Variants in ZNF609 observed in about 807,000 individuals in gnomAD.
ZNF609 encodes the protein zinc finger protein 609.
Under a neutral mutation model 109.5 loss-of-function variants are expected in ZNF609, and 11 were observed. The observed-to-expected ratio is 0.10, with a 90% CI of 0.06 to 0.17. ZNF609 has a LOEUF of 0.17. ZNF609 is among the 10% of genes least tolerant of loss of function. ZNF609 has a pLI of 1.00. For missense variants in ZNF609, 1,559 were observed against 1,772.4 expected, an observed-to-expected ratio of 0.88 and a Z score of 2.16; for synonymous variants, 646 against 662.0, an observed-to-expected ratio of 0.98 and a Z score of 0.37.
chr15:64,527,906 A>C (rs145408190), intron 2 of ZNF609, among the ~76,000 whole-genome samples: 238 of 151,814 alleles, frequency 1.6e-3, no homozygotes, highest in African/African-American at 5.6e-3. Flanking sequence ...CTCTACTCTT[A>C]CCCCCTTTCT....
chr15:64,547,567 G>C (rs541142033), intron 2 of ZNF609, among the ~76,000 whole-genome samples: 1 of 152,028 alleles, frequency 6.6e-6, no homozygotes, highest in Non-Finnish European at 1.5e-5. Context: ...ATCTGGCTCT[G>C]GCTCATAAGA....
intron 2 of ZNF609, among the ~76,000 whole-genome samples, chr15:64,553,403 G>A (rs945017955): frequency 3.3e-5 from 5 of 151,600 alleles, no homozygotes; most frequent in African/African-American, 1.2e-4. Flanking sequence ...TTCATTTTAG[G>A]TCTTTAAGTT....
At chr15:64,540,160 G>A (rs1348757109) in intron 2 of ZNF609, among the ~76,000 whole-genome samples, 1 of 152,074 alleles carries the variant, frequency 6.6e-6, no homozygotes, top group African/African-American at 2.4e-5. Flanking sequence ...CCATCTTCCC[G>A]CATCTTCATC....
intron 2 of ZNF609, among the ~76,000 whole-genome samples, chr15:64,530,742 A>C (rs1400594698): frequency 6.6e-6 from 1 of 152,236 alleles, no homozygotes; most frequent in Non-Finnish European, 1.5e-5. Context: ...AGAGGTCTTC[A>C]GTATAATATT....
At position 64,680,724 on chromosome 15, in the gene ZNF609, G is replaced by T; in HGVS notation, c.4024G>T (p.Gly1342Trp). 6.2e-7 allele frequency: 1 copy of T among 1,613,328 alleles called. No individual in the cohort carries two copies. Residue 1342 changes from glycine to tryptophan, a missense_variant, in exon 8 of 10, where the codon GGG becomes TGG. Coordinates refer to ENST00000326648, the MANE Select transcript of ZNF609 (RefSeq NM_015042.2). ...VGGGGSCSSV[G>W]GASGGERSVD... ...GGGTGGTGGCAGCTGTAGCAGCGTC[G>T]GGGGAGCAAGTGGGGGTGAACGGAG...
chr15:64,496,323 A>G (rs1180036815), intron 1 of ZNF609, among the ~76,000 whole-genome samples: 1 of 152,198 alleles, frequency 6.6e-6, no homozygotes, highest in Non-Finnish European at 1.5e-5. Context: ...TTTGAAACTA[A>G]GGAAAGTTTT....
At chr15:64,658,016 C>G (rs16948162) in intron 3 of ZNF609, among the ~76,000 whole-genome samples, 14,335 of 152,170 alleles carry the variant, frequency 0.094, 1,991 homozygotes, top group East Asian at 0.77. Flanking sequence ...AAAGGCAAAA[C>G]TGACTGCACT....
At chr15:64,483,240 C>T (rs1262576921) in intron 1 of ZNF609, among the ~76,000 whole-genome samples, 1 of 152,120 alleles carries the variant, frequency 6.6e-6, no homozygotes, top group Non-Finnish European at 1.5e-5. Flanking sequence ...GAATTACAGG[C>T]ATGTGCCACC....
At chr15:64,477,559 G>A (rs1314749885) in intron 1 of ZNF609, among the ~76,000 whole-genome samples, 1 of 151,614 alleles carries the variant, frequency 6.6e-6, no homozygotes, top group African/African-American at 2.4e-5. Flanking sequence ...AGCTATTTAG[G>A]TAATTGGCTA....
In ZNF609 at chr15:64,660,779, C is replaced by G. The variant is rs183258387; in HGVS notation, c.974-9567C>G. Among the ~76,000 whole-genome samples, 665 of 152,290 alleles carry G rather than the reference C, an allele frequency of 4.4e-3. 1 individual carries two copies. Among genetic ancestry groups the G allele is most frequent in the Admixed American group, 7.9e-3 (121 of 15,292 alleles). On this transcript the variant is annotated intron_variant, in intron 3 of 9. Coordinates refer to ENST00000326648, the MANE Select transcript of ZNF609 (RefSeq NM_015042.2). Reference sequence around the variant, plus strand: ...TTGCTTTTTCCGCTGCCTAAAATGTCTTCTAATTTCCACAGAGCTCGCTGT... The same window carrying G: ...TTGCTTTTTCCGCTGCCTAAAATGTGTTCTAATTTCCACAGAGCTCGCTGT...
intron 2 of ZNF609, among the ~76,000 whole-genome samples, chr15:64,582,747 G>GTT (rs1895129761): frequency 8.6e-4 from 22 of 25,698 alleles, no homozygotes; most frequent in Non-Finnish European, 1.9e-3. Context: ...TTGAGACAGA[G>GTT]TCTTTTTTTT....
At position 64,499,799 on chromosome 15, in the gene ZNF609, A is replaced by G; in HGVS notation, c.380A>G (p.Asp127Gly). ...AAAGAGGTGCAGGGGCGCTCAGGAGATGGTGCCAATGCTGGAGGCCTGGTT... is the reference window on the plus strand; with the variant it reads ...AAAGAGGTGCAGGGGCGCTCAGGAGGTGGTGCCAATGCTGGAGGCCTGGTT... Reference protein sequence around the residue: ...SKKEVQGRSGDGANAGGLVAA... With the variant: ...SKKEVQGRSGGGANAGGLVAA... The change falls in exon 2 of 10, where the codon GAT becomes GGT. Residue 127 changes from aspartate to glycine, a missense_variant. Physicochemically the swap from Asp to Gly is moderately conservative, Grantham distance 94. Coordinates refer to ENST00000326648, the MANE Select transcript of ZNF609 (RefSeq NM_015042.2). The G allele has an allele frequency of 6.2e-7, 1 of 1,614,048 alleles. No homozygotes were observed. Among genetic ancestry groups the G allele is most frequent in the Non-Finnish European group, 8.5e-7 (1 of 1,179,988 alleles).
At chr15:64,535,484 A>G (rs904682598) in intron 2 of ZNF609, among the ~76,000 whole-genome samples, 1 of 152,210 alleles carries the variant, frequency 6.6e-6, no homozygotes, top group Non-Finnish European at 1.5e-5. Context: ...GTAGTATTCC[A>G]TGGTATAGAT....
Position 64,680,867 on chromosome 15 carries a change from GC to G in ZNF609, c.4162+7del. On this transcript the variant is annotated splice_donor_region_variant and intron_variant, in intron 8 of 9. Coordinates refer to ENST00000326648, the MANE Select transcript of ZNF609 (RefSeq NM_015042.2). ...ACAACTTACCCTATGCAGCAGGTAA[GC>G]CTGTTTTCCCTACCACCTGTTGTTT... 6.2e-7 allele frequency: 1 copy of G among 1,607,222 alleles called. No homozygotes were observed. Among genetic ancestry groups the G allele is most frequent in the Non-Finnish European group, 8.5e-7 (1 of 1,179,880 alleles).
intron 2 of ZNF609, among the ~76,000 whole-genome samples, chr15:64,568,062 A>G (rs1340175565): frequency 6.6e-6 from 1 of 152,120 alleles, no homozygotes; most frequent in Non-Finnish European, 1.5e-5. Context: ...TAATTGTCAA[A>G]GTTTTGTCAT....
intron 2 of ZNF609, among the ~76,000 whole-genome samples, chr15:64,576,913 TATACA>T (rs1894965062): frequency 7.6e-6 from 1 of 132,256 alleles, no homozygotes. Flanking sequence ...TATATGTATA[TATACA>T]TATATGTGTA....
chr15:64,470,165 C>T (rs1893073609), intron 1 of ZNF609: 1 of 152,154 alleles, frequency 6.6e-6, no homozygotes, highest in Admixed American at 6.5e-5. Context: ...TCACCTCAGC[C>T]TTCCAAGTAG....
chr15:64,588,869 C>G (rs956630989), intron 2 of ZNF609, among the ~76,000 whole-genome samples: 3 of 152,030 alleles, frequency 2.0e-5, no homozygotes, highest in African/African-American at 7.2e-5. Context: ...AACTCCTGAC[C>G]TCGGGTTCGG....
In ZNF609 at chr15:64,681,321, C is replaced by T; in HGVS notation, c.4175C>T (p.Thr1392Ile). ...CCTGCTTATTCAGGGCTTTCTTCTA[C>T]AGCCATTGTTGCCAGCCAACAAGGC... Reference protein sequence around the residue: ...NLPYAAGLSSTAIVASQQGST... With the variant: ...NLPYAAGLSSIAIVASQQGST... The change falls in exon 9 of 10, where the codon ACA becomes ATA. Residue 1392 changes from threonine to isoleucine, a missense_variant. Physicochemically the swap from Thr to Ile is moderately conservative, Grantham distance 89. Around this residue, in one of 4 missense-constraint regions of ZNF609, gnomAD observed 1,204 missense variants for 1,314.1 expected, o/e 0.92. Coordinates refer to ENST00000326648, the MANE Select transcript of ZNF609 (RefSeq NM_015042.2). 1 of 1,614,034 alleles carries T rather than the reference C, an allele frequency of 6.2e-7. No individual in the cohort carries two copies. The highest frequency in any genetic ancestry group is 8.5e-7 in the Non-Finnish European group (1 of 1,179,910).
Sources: allele counts gnomAD v4.1 joint callset (sites outside exome capture counted in the v4.1 genomes callset), GRCh38; gene constraint gnomAD v4.1.1; regional missense constraint gnomAD v4.1.1; transcripts MANE v1.5; gene names NCBI Gene and HGNC (gene_info 2026-07-23, HGNC 2026-07-21).